The following PTPRN2 variants were observed in gnomAD, a reference collection of about 807,000 sequenced individuals.
The protein encoded by PTPRN2 is receptor-type tyrosine-protein phosphatase N2.
A neutral mutation model predicts 118.8 loss-of-function variants in PTPRN2; 74 were observed. The observed-to-expected ratio is 0.62, with a 90% confidence interval of 0.52 to 0.76. The LOEUF (loss-of-function observed/expected upper bound fraction) is 0.76, where lower values mean the gene tolerates loss of function less well. PTPRN2 is among the 30% of genes least tolerant of loss of function. PTPRN2 has a pLI of 0.00. For missense variants in PTPRN2, 1,481 were observed against 1,394.4 expected, an observed-to-expected ratio of 1.06 and a Z score of -0.99; for synonymous variants, 641 against 608.0, an observed-to-expected ratio of 1.05 and a Z score of -0.80.
intron 2 of PTPRN2, among the ~76,000 whole-genome samples, chr7:158,356,655 T>G (rs1256754947): frequency 6.6e-6 from 1 of 152,074 alleles, no homozygotes; most frequent in African/African-American, 2.4e-5. Flanking sequence ...CCAGGCACCA[T>G]GCTGAGCGCT....
chr7:157,948,690 C>T (rs565969696), intron 11 of PTPRN2, among the ~76,000 whole-genome samples: 1 of 152,284 alleles, frequency 6.6e-6, no homozygotes, highest in East Asian at 1.9e-4. Context: ...TGACCAACTA[C>T]GGGTTGAATA....
At chr7:157,805,040 G>T (rs1305184885) in intron 12 of PTPRN2, among the ~76,000 whole-genome samples, 3 of 152,154 alleles carry the variant, frequency 2.0e-5, no homozygotes, top group Admixed American at 2.0e-4. Context: ...CTGCACACTA[G>T]ACTCAGTCCT....
At chr7:158,361,902 T>C (rs1463737609) in intron 2 of PTPRN2, among the ~76,000 whole-genome samples, 2 of 152,124 alleles carry the variant, frequency 1.3e-5, no homozygotes, top group African/African-American at 2.4e-5. Flanking sequence ...CTCATCCCCC[T>C]CTTCCCAGCT....
intron 11 of PTPRN2, among the ~76,000 whole-genome samples, chr7:158,060,302 G>A (rs10281360): frequency 0.31 from 36,222 of 115,648 alleles, 6,407 homozygotes; most frequent in Middle Eastern, 0.43. Context: ...CTGCAGCCAC[G>A]CTCCATCTGC....
At position 158,221,059 on chromosome 7, in the gene PTPRN2, G is replaced by A. The variant is rs1397639336; in HGVS notation, c.278-15786C>T. Among the ~76,000 whole-genome samples, 5 of 151,960 alleles carry A rather than the reference G, an allele frequency of 3.3e-5. No individual in the cohort carries two copies. In the East Asian group the frequency reaches 7.7e-4, roughly 23 times the overall value. ...ACAGGTTAGAGAAACCAGAAATAAAGCCACACACCTACAAACATCTGATCT... is the reference window on the plus strand; with the variant it reads ...ACAGGTTAGAGAAACCAGAAATAAAACCACACACCTACAAACATCTGATCT... On this transcript the variant is annotated intron_variant, in intron 3 of 22. Transcript: ENST00000389418.
chr7:158,067,605 G>C (rs1810871578), intron 11 of PTPRN2, among the ~76,000 whole-genome samples: 6 of 152,206 alleles, frequency 3.9e-5, no homozygotes. Flanking sequence ...GTAACGGGCT[G>C]GAGAGTGAGT....
intron 11 of PTPRN2, among the ~76,000 whole-genome samples, chr7:158,046,420 G>C (rs1228280483): frequency 6.6e-6 from 1 of 150,848 alleles, no homozygotes; most frequent in Admixed American, 6.6e-5. Flanking sequence ...TCCAGGAGCA[G>C]AAACTGCGAT....
Position 157,615,295 on chromosome 7 carries a change from C to T in PTPRN2, c.2344+6067G>A, listed in dbSNP as rs1282604574. The T allele has an allele frequency of 1.9e-5, 7 of 366,946 alleles. No individual in the cohort carries two copies. Among genetic ancestry groups the T allele is most frequent in the South Asian group, 1.5e-4 (7 of 48,154 alleles). 22.7% of individuals were successfully genotyped at this position (366,946 alleles called of 1,614,324 possible). On this transcript the variant is annotated intron_variant, in intron 15 of 22. Coordinates refer to ENST00000389418, the MANE Select transcript of PTPRN2 (RefSeq NM_002847.5). The surrounding 1 kb of genome is among the most constrained non-coding windows in gnomAD (Gnocchi z 4.3). ...TGCTCCAGAGAGGGCCCTGCAAGAG[C>T]GGTGTGCGTGGGTTGCGGCTGGGTC...
chr7:158,184,447 T>C (rs1824970749), intron 5 of PTPRN2, among the ~76,000 whole-genome samples: 1 of 152,264 alleles, frequency 6.6e-6, no homozygotes, highest in Admixed American at 6.5e-5. Context: ...CTTTGCACTC[T>C]ACAGCATTGC....
At chr7:157,695,993 C>T (rs1334489400) in intron 12 of PTPRN2, among the ~76,000 whole-genome samples, 6 of 149,932 alleles carry the variant, frequency 4.0e-5, no homozygotes, top group African/African-American at 1.5e-4. Context: ...GAGCCCTCAC[C>T]ATCTACCCAT....
chr7:157,867,925 A>G (rs951120175), intron 12 of PTPRN2, among the ~76,000 whole-genome samples: 40 of 152,140 alleles, frequency 2.6e-4, no homozygotes, highest in African/African-American at 7.7e-4. Flanking sequence ...ATGCCCCCAG[A>G]GTCCACAAGA....
chr7:158,072,369 G>A (rs1018519339), intron 11 of PTPRN2, among the ~76,000 whole-genome samples: 4 of 152,130 alleles, frequency 2.6e-5, no homozygotes, highest in Non-Finnish European at 5.9e-5. Context: ...TTTCAAGAAT[G>A]GGCCTTCAGA....
chr7:157,703,786 A>T (rs1371122111), intron 12 of PTPRN2, among the ~76,000 whole-genome samples: 1 of 152,114 alleles, frequency 6.6e-6, no homozygotes, highest in Non-Finnish European at 1.5e-5. Context: ...GGATTCCGAG[A>T]CTGGCAGGTC....
intron 3 of PTPRN2, among the ~76,000 whole-genome samples, chr7:158,226,917 C>G (rs1478331320): frequency 6.6e-6 from 1 of 152,010 alleles, no homozygotes; most frequent in Middle Eastern, 3.2e-3. Context: ...CACACTGGAT[C>G]CAGGCGACAG....
intron 2 of PTPRN2, among the ~76,000 whole-genome samples, chr7:158,453,069 G>A (rs182220936): frequency 1.2e-3 from 188 of 151,988 alleles, no homozygotes; most frequent in African/African-American, 4.3e-3. Flanking sequence ...CTGGACGTAG[G>A]GGAATTGAAA....
intron 12 of PTPRN2, among the ~76,000 whole-genome samples, chr7:157,802,644 A>G (rs913513775): frequency 5.3e-5 from 8 of 152,174 alleles, no homozygotes; most frequent in Non-Finnish European, 1.0e-4. Flanking sequence ...TTTTTTGAGA[A>G]AACTTCATAC....
At chr7:158,484,606 G>A (rs1174917774) in intron 2 of PTPRN2, among the ~76,000 whole-genome samples, 1 of 152,162 alleles carries the variant, frequency 6.6e-6, no homozygotes, top group Non-Finnish European at 1.5e-5. Flanking sequence ...CAAGTGATCT[G>A]CCCGCCTCGG....
At chr7:157,945,498 C>A (rs575832282) in intron 11 of PTPRN2, among the ~76,000 whole-genome samples, 82 of 152,288 alleles carry the variant, frequency 5.4e-4, no homozygotes, top group African/African-American at 1.9e-3. Context: ...AGTGACCTGG[C>A]CCCTGAACCT....
intron 15 of PTPRN2, 24 bp downstream of exon 15, chr7:157,621,338 C>T: frequency 6.2e-7 from 1 of 1,601,662 alleles, no homozygotes; most frequent in Non-Finnish European, 8.5e-7. Flanking sequence ...ACCCAGGCTT[C>T]CTGCCCCCGG....
Sources: allele counts gnomAD v4.1 joint callset (sites outside exome capture counted in the v4.1 genomes callset), GRCh38; gene constraint gnomAD v4.1.1; non-coding constraint Gnocchi (gnomAD v3.1); transcripts MANE v1.5; gene names NCBI Gene and HGNC (gene_info 2026-07-23, HGNC 2026-07-21).